Variants in TPD52L2 observed in about 807,000 individuals in gnomAD.
TPD52L2 encodes tumor protein D54.
TPD52L2 carries 19 observed loss-of-function variants against 24.7 expected under a neutral mutation model. The ratio of observed to expected loss-of-function variants is 0.77; its 90% CI spans 0.54 to 1.13. The LOEUF is 1.13. TPD52L2 is among the 50% of genes most tolerant of loss of function. The pLI is 0.00. For synonymous variants in TPD52L2, 104 were observed against 100.2 expected, an observed-to-expected ratio of 1.04 and a Z score of -0.23; for missense variants, 236 against 250.4, an observed-to-expected ratio of 0.94 and a Z score of 0.39.
At chr20:63,872,567 G>A (rs1029274799) in intron 2 of TPD52L2, among the ~76,000 whole-genome samples, 4 of 151,398 alleles carry the variant, frequency 2.6e-5, no homozygotes, top group Admixed American at 6.6e-5. Flanking sequence ...TAGTAGAGAC[G>A]GGGTTTTGTC....
At chr20:63,872,070 C>A (rs982146619) in intron 2 of TPD52L2, among the ~76,000 whole-genome samples, 5 of 143,450 alleles carry the variant, frequency 3.5e-5, no homozygotes, top group Non-Finnish European at 7.5e-5. Flanking sequence ...TTTTAAAGAC[C>A]TGAGAAAGTT....
At chr20:63,873,467 C>T (rs1241597167) in intron 2 of TPD52L2, among the ~76,000 whole-genome samples, 3 of 148,550 alleles carry the variant, frequency 2.0e-5, no homozygotes, top group Non-Finnish European at 3.0e-5. Context: ...CCAGCCTGGG[C>T]GACGAGCGAA....
In TPD52L2 at chr20:63,878,282, G is replaced by A. The variant is rs139454211; in HGVS notation, c.374+2407G>A. Among the ~76,000 whole-genome samples the A allele has an allele frequency of 3.3e-5, 5 of 152,356 alleles. No homozygotes were observed. The East Asian group carries it at 9.6e-4, about 29-fold the overall frequency. ...GCCTGGCCCCATGAGGCTGCAATGCGGCCACATTCTCAGTGGGTCATGTCT... is the reference window on the plus strand; with the variant it reads ...GCCTGGCCCCATGAGGCTGCAATGCAGCCACATTCTCAGTGGGTCATGTCT... On this transcript the variant is annotated intron_variant, in intron 4 of 6. Coordinates refer to ENST00000346249, the MANE Select transcript of TPD52L2 (RefSeq NM_003288.4).
rs1214173852 is a variant in TPD52L2 at position 63,877,833 on chromosome 20, C to G, written c.374+1958C>G. Among the ~76,000 whole-genome samples the G allele has an allele frequency of 2.0e-5, 3 of 152,228 alleles. No individual in the cohort carries two copies. Among genetic ancestry groups the G allele is most frequent in the Non-Finnish European group, 4.4e-5 (3 of 68,030 alleles). On this transcript the variant is annotated intron_variant, in intron 4 of 6. Transcript: ENST00000346249. The surrounding 1 kb of genome is among the most constrained non-coding windows in gnomAD (Gnocchi z 4.1). ...TGGCGAGAGCTGTCAACTGACGGTT[C>G]CAGAGTGGAAGCGTTTCTGCCGGGA...
Position 63,889,948 on chromosome 20 carries a change from C to G in TPD52L2, c.*3C>G, listed in dbSNP as rs1417356295. 2.5e-6 allele frequency: 4 copies of G among 1,613,978 alleles called. No individual in the cohort carries two copies. Among genetic ancestry groups the G allele is most frequent in the Non-Finnish European group, 3.4e-6 (4 of 1,180,054 alleles). On this transcript the variant is annotated 3_prime_UTR_variant, in exon 7 of 7. Coordinates refer to ENST00000346249, the MANE Select transcript of TPD52L2 (RefSeq NM_003288.4). ...TGTCGGATCCCGCACCTTTCTAAGC[C>G]TGTGGTTGCTTCACCCGCTGCAGAG... is the stretch of plus-strand genomic sequence containing the variant.
rs562053456 is a variant in TPD52L2, at chr20:63,886,618, G to C, written c.477-2572G>C. 2.6e-5 allele frequency among the ~76,000 whole-genome samples: 4 copies of C among 151,664 alleles called. No individual in the cohort carries two copies. In the East Asian group the frequency reaches 7.8e-4, roughly 30 times the overall value. ...CCCGCCTCGGCCTCCCAAAGTGCTG[G>C]GATTACAAGCGTGAGCCACCGCGCC... On this transcript the variant is annotated intron_variant, in intron 5 of 6. Coordinates refer to ENST00000346249, the MANE Select transcript of TPD52L2 (RefSeq NM_003288.4).
chr20:63,890,178 G>A lies in TPD52L2; in HGVS notation c.*233G>A. ...TGTAGATGAAACAGATCACTGTGCT[G>A]TCCTTCCTAGGGGTGCAGGAAGTGG... On this transcript the variant is annotated 3_prime_UTR_variant, in exon 7 of 7. Coordinates refer to ENST00000346249, the MANE Select transcript of TPD52L2 (RefSeq NM_003288.4). 1.0e-6 allele frequency: 1 copy of A among 972,212 alleles called. No individual in the cohort carries two copies. Among genetic ancestry groups the A allele is most frequent in the Non-Finnish European group, 1.5e-6 (1 of 674,470 alleles). 60.2% of individuals were successfully genotyped at this position (972,212 alleles called of 1,614,324 possible). A position where few individuals can be genotyped will look rare whatever the true frequency, so the allele number is the denominator to read the frequency against.
chr20:63,871,444 A>G (rs2146187869), intron 2 of TPD52L2, among the ~76,000 whole-genome samples: 1 of 144,984 alleles, frequency 6.9e-6, no homozygotes, highest in African/African-American at 2.6e-5. Context: ...CCACCTCCTG[A>G]GTTGAAGTGA....
At chr20:63,887,627 C>T (rs182111220) in intron 5 of TPD52L2, 40 of 1,610,992 alleles carry the variant, frequency 2.5e-5, no homozygotes, top group African/African-American at 1.7e-4. Context: ...CTGCTCGCTG[C>T]GGCTCCAGAG....
In TPD52L2 at chr20:63,887,091, C is replaced by T. The variant is rs373061165; in HGVS notation, c.477-2099C>T. On this transcript the variant is annotated intron_variant, in intron 5 of 6. Coordinates refer to ENST00000346249, the MANE Select transcript of TPD52L2 (RefSeq NM_003288.4). ...ATAGGTGTGCCTCCCAAAGGGCCCTCCTGCAGACCAGAGCAAGCTCCTCTA... is the reference window on the plus strand; with the variant it reads ...ATAGGTGTGCCTCCCAAAGGGCCCTTCTGCAGACCAGAGCAAGCTCCTCTA... The T allele has an allele frequency of 4.3e-3, 1,005 of 233,946 alleles. 4 individuals are homozygous for T. Among genetic ancestry groups the T allele is most frequent in the Non-Finnish European group, 7.1e-3 (831 of 117,442 alleles). The allele number at this position is 233,946 out of a possible 1,614,324, so 14.5% of individuals were successfully genotyped here. A position where few individuals can be genotyped will look rare whatever the true frequency, so the allele number is the denominator to read the frequency against.
intron 5 of TPD52L2, chr20:63,887,467 AATCCCAGCTCTGCCC>A: frequency 7.6e-7 from 1 of 1,319,414 alleles, no homozygotes; most frequent in Middle Eastern, 1.8e-4. Flanking sequence ...GGAGTGGGGG[AATCCCAGCTCTGCCC>A]ATCCCTGCCA....
At chr20:63,888,360 A>G (rs2053208583) in intron 5 of TPD52L2, 3 of 152,602 alleles carry the variant, frequency 2.0e-5, no homozygotes, top group Admixed American at 2.0e-4. Flanking sequence ...AGAACTGCAC[A>G]GACTTTTCAT....
intron 4 of TPD52L2, among the ~76,000 whole-genome samples, chr20:63,880,435 T>C (rs1041303724): frequency 6.6e-6 from 1 of 151,826 alleles, no homozygotes; most frequent in African/African-American, 2.4e-5. Flanking sequence ...CAAATGCAGG[T>C]GCAGCTTCCC....
In TPD52L2 at chr20:63,890,100, T is replaced by C; in HGVS notation, c.*155T>C. On this transcript the variant is annotated 3_prime_UTR_variant, in exon 7 of 7. Coordinates refer to ENST00000346249, the MANE Select transcript of TPD52L2 (RefSeq NM_003288.4). ...CCACGCGGAGATGTGGCTGCCGCGT[T>C]TGCATGAATTTGAAGAACACAGGCT... The C allele has an allele frequency of 6.8e-7, 1 of 1,468,740 alleles. No individual in the cohort carries two copies. The highest frequency in any genetic ancestry group is 2.5e-5 in the East Asian group (1 of 40,342). The allele number at this position is 1,468,740 out of a possible 1,614,324, so 91.0% of individuals were successfully genotyped here.
intron 4 of TPD52L2, among the ~76,000 whole-genome samples, chr20:63,878,634 C>A (rs2052779293): frequency 6.6e-6 from 1 of 152,178 alleles, no homozygotes; most frequent in Non-Finnish European, 1.5e-5. Context: ...AGGCCTGGAT[C>A]ACTTGTCCAT....
intron 3 of TPD52L2, 119 bp downstream of exon 3, chr20:63,873,935 G>GAT: frequency 8.2e-7 from 1 of 1,217,076 alleles, no homozygotes; most frequent in Non-Finnish European, 1.1e-6. Flanking sequence ...GAGTTGAGTG[G>GAT]CCTGTTTGGA....
chr20:63,890,620 G>GT lies in TPD52L2; in HGVS notation c.*675_*676insT. On this transcript the variant is annotated 3_prime_UTR_variant, in exon 7 of 7. Transcript: ENST00000346249. ...TCTTTGGACTCAAGCTGAAATACAA[G>GT]CCTTACATTGCCTTATGCTTTATTT... 6.5e-6 allele frequency: 1 copy of GT among 152,964 alleles called. No homozygotes were observed. The highest frequency in any genetic ancestry group is 6.5e-5 in the Admixed American group (1 of 15,302). 9.5% of individuals were successfully genotyped at this position (152,964 alleles called of 1,614,324 possible). A position where few individuals can be genotyped will look rare whatever the true frequency, so the allele number is the denominator to read the frequency against.
chr20:63,869,377 G>A lies in TPD52L2; in HGVS notation c.101G>A (p.Arg34Gln), dbSNP rs116597522. Reference sequence around the variant, plus strand: ...CCTGTCGACACAGGTGTGGCTGCCCGGACTCCTGCTGTTGAGGGTCTGACA... The same window carrying A: ...CCTGTCGACACAGGTGTGGCTGCCCAGACTCCTGCTGTTGAGGGTCTGACA... The part of the protein sequence containing the change: ...DVPVDTGVAA[R>Q]TPAVEGLTEA... The change falls in exon 2 of 7, where the codon CGG becomes CAG. Residue 34 changes from arginine to glutamine, a missense_variant. By Grantham distance (43) the Arg-to-Gln change is conservative. Coordinates refer to ENST00000346249, the MANE Select transcript of TPD52L2 (RefSeq NM_003288.4). 7.9e-4 allele frequency: 1,281 copies of A among 1,614,154 alleles called. 7 individuals are homozygous for A. In the African/African-American group the frequency reaches 0.015, roughly 19 times the overall value.
At chr20:63,871,050 T>C (rs1319040534) in intron 2 of TPD52L2, among the ~76,000 whole-genome samples, 2 of 151,106 alleles carry the variant, frequency 1.3e-5, no homozygotes, top group Non-Finnish European at 3.0e-5. Context: ...CTTTTTTTTG[T>C]TGTTTTTCTT....
Sources: gnomAD v4.1 joint callset for allele counts (sites outside exome capture counted in the v4.1 genomes callset) on GRCh38, gnomAD v4.1.1 for gene constraint, Gnocchi (gnomAD v3.1) non-coding constraint, MANE v1.5 for transcripts, NCBI Gene and HGNC (gene_info 2026-07-23, HGNC 2026-07-21) for gene names.